STK38L: variants seen among roughly 807,000 people sequenced by gnomAD.
STK38L encodes serine/threonine-protein kinase 38-like.
In STK38L, 28 loss-of-function variants were observed where a neutral mutation model predicts 59.7. That is an observed-to-expected ratio of 0.47 (90% confidence interval 0.35 to 0.64). STK38L has a LOEUF of 0.64. Ranked by LOEUF, STK38L falls within the 30% of genes least tolerant of loss-of-function variation. The pLI is 0.01. For synonymous variants in STK38L, 162 were observed against 176.8 expected (o/e 0.92, Z 0.66); for missense variants, 314 against 555.8 (o/e 0.56, Z 4.37).
chr12:27,262,007 G>A lies in STK38L; in HGVS notation c.-12+17675G>A, dbSNP rs1257081587. Reference sequence around the variant, plus strand: ...AATGTTAGTTTTTATTAGCAGCAGCGGCAGCAGATCTCTGGGTAAACATTC... The same window carrying A: ...AATGTTAGTTTTTATTAGCAGCAGCAGCAGCAGATCTCTGGGTAAACATTC... On this transcript the variant is annotated intron_variant, in intron 1 of 13. Coordinates refer to ENST00000389032, the MANE Select transcript of STK38L (RefSeq NM_015000.4). Among the ~76,000 whole-genome samples, 7 of 152,192 alleles carry A rather than the reference G, an allele frequency of 4.6e-5. No individual in the cohort carries two copies. In the South Asian group the frequency reaches 1.4e-3, roughly 32 times the overall value.
rs942723287 is a variant in STK38L at position 27,308,883 on chromosome 12, T to A, written c.310-231T>A. Among the ~76,000 whole-genome samples the A allele has an allele frequency of 7.1e-6, 1 of 141,580 alleles. No individual in the cohort carries two copies. Among genetic ancestry groups the A allele is most frequent in the Non-Finnish European group, 1.6e-5 (1 of 63,688 alleles). The allele number at this position is 141,580 out of a possible 152,430, so 92.9% of individuals were successfully genotyped here. On this transcript the variant is annotated intron_variant, in intron 4 of 13. Coordinates refer to ENST00000389032, the MANE Select transcript of STK38L (RefSeq NM_015000.4). This position sits in a 1 kb window ranked among gnomAD's most constrained non-coding sequence, Gnocchi z 4.5. Reference sequence around the variant, plus strand: ...AAATATATATAAATATAAATATATATAAATGTAAATATATAAATATATATA... The same window carrying A: ...AAATATATATAAATATAAATATATAAAAATGTAAATATATAAATATATATA...
At chr12:27,292,650 TG>T (rs1274504799) in intron 1 of STK38L, among the ~76,000 whole-genome samples, 15 of 152,248 alleles carry the variant, frequency 9.9e-5, no homozygotes, top group Non-Finnish European at 2.9e-5. Context: ...GGTACTGCGA[TG>T]CTTTCATTAC....
chr12:27,275,490 A>G (rs1390000243), intron 1 of STK38L, among the ~76,000 whole-genome samples: 1 of 152,048 alleles, frequency 6.6e-6, no homozygotes, highest in Non-Finnish European at 1.5e-5. Context: ...GGCACCTGCC[A>G]CCACGCCTGG....
intron 1 of STK38L, among the ~76,000 whole-genome samples, chr12:27,292,015 C>A (rs954074227): frequency 3.9e-5 from 6 of 152,190 alleles, no homozygotes; most frequent in African/African-American, 1.4e-4. Context: ...GAATGTTGGA[C>A]TTAACTATTG....
intron 1 of STK38L, among the ~76,000 whole-genome samples, chr12:27,266,347 A>T (rs1943300727): frequency 6.6e-6 from 1 of 152,200 alleles, no homozygotes; most frequent in Non-Finnish European, 1.5e-5. Flanking sequence ...TTATAATTTG[A>T]TTCGGGGAAG....
intron 1 of STK38L, among the ~76,000 whole-genome samples, chr12:27,295,903 G>A (rs1423503299): frequency 1.3e-5 from 2 of 152,242 alleles, no homozygotes; most frequent in African/African-American, 4.8e-5. Context: ...TTCAGGGATA[G>A]GTCATGGAAG....
In STK38L at chr12:27,325,143, C is replaced by A. The variant is rs1551793; in HGVS notation, c.*2688C>A. On this transcript the variant is annotated 3_prime_UTR_variant, in exon 14 of 14. Coordinates refer to ENST00000389032, the MANE Select transcript of STK38L (RefSeq NM_015000.4). ...ATTTATTACTAACATAGCTTTAAAT[C>A]TTTAAATGTATTGAAGCATTGTGCT... 3.3e-5 allele frequency: 5 copies of A among 151,976 alleles called. No individual in the cohort carries two copies. The highest frequency in any genetic ancestry group is 1.2e-4 in the African/African-American group (5 of 41,378). The allele number at this position is 151,976 out of a possible 1,614,324, so 9.4% of individuals were successfully genotyped here.
intron 1 of STK38L, among the ~76,000 whole-genome samples, chr12:27,292,644 C>T (rs1036411502): frequency 2.0e-5 from 3 of 152,194 alleles, no homozygotes; most frequent in Non-Finnish European, 2.9e-5. Flanking sequence ...TTGCCAGGTA[C>T]TGCGATGCTT....
intron 1 of STK38L, among the ~76,000 whole-genome samples, chr12:27,253,566 A>G (rs902163735): frequency 3.3e-5 from 5 of 152,196 alleles, no homozygotes; most frequent in Admixed American, 2.0e-4. Flanking sequence ...AGGTGACTGG[A>G]GAGCTACATT....
rs145085631 is a variant in STK38L, at chr12:27,254,084, A to G, written c.-12+9752A>G. On this transcript the variant is annotated intron_variant, in intron 1 of 13. Transcript: ENST00000389032. ...TAAAGAGAAAAGTAAATCCACTAAA[A>G]TCCTTTTCTTTGATGAAGCCTAGAA... 2.8e-3 allele frequency among the ~76,000 whole-genome samples: 431 copies of G among 152,314 alleles called. 8 individuals carry two copies. Among genetic ancestry groups the G allele is most frequent in the African/African-American group, 9.3e-3 (386 of 41,564 alleles).
At chr12:27,275,791 A>G (rs918034511) in intron 1 of STK38L, among the ~76,000 whole-genome samples, 6 of 152,232 alleles carry the variant, frequency 3.9e-5, no homozygotes, top group Non-Finnish European at 8.8e-5. Flanking sequence ...ATATGGTCAC[A>G]GTGTACCATT....
At chr12:27,267,031 G>A (rs1943315307) in intron 1 of STK38L, among the ~76,000 whole-genome samples, 1 of 152,102 alleles carries the variant, frequency 6.6e-6, no homozygotes. Flanking sequence ...ATTTTAGTTT[G>A]ACTCAATTTT....
chr12:27,244,815 A>G (rs1942814574), intron 1 of STK38L, among the ~76,000 whole-genome samples: 1 of 152,094 alleles, frequency 6.6e-6, no homozygotes, highest in Non-Finnish European at 1.5e-5. Flanking sequence ...AACATTTCTC[A>G]AGACAGACTC....
intron 1 of STK38L, among the ~76,000 whole-genome samples, chr12:27,278,150 T>A (rs1399046662): frequency 6.6e-6 from 1 of 152,246 alleles, no homozygotes; most frequent in Non-Finnish European, 1.5e-5. Flanking sequence ...GATGCTTGCT[T>A]ATGGGATCTT....
At chr12:27,314,427 A>T in intron 6 of STK38L, 77 bp from the exon 7 acceptor site, 1 of 1,258,900 alleles carries the variant, frequency 7.9e-7, no homozygotes, top group Non-Finnish European at 1.1e-6. Context: ...AAAGTAAAAA[A>T]AGCAGGAAAG....
At chr12:27,255,544 C>A (rs1252845641) in intron 1 of STK38L, among the ~76,000 whole-genome samples, 2 of 152,192 alleles carry the variant, frequency 1.3e-5, no homozygotes, top group African/African-American at 2.4e-5. Context: ...CTTTAGAGGT[C>A]ATCTAGTCCA....
At chr12:27,263,449 G>C (rs1943243565) in intron 1 of STK38L, among the ~76,000 whole-genome samples, 1 of 152,192 alleles carries the variant, frequency 6.6e-6, no homozygotes, top group Admixed American at 6.5e-5. Flanking sequence ...AGGTGTTTGA[G>C]TCCTTCCTTA....
At chr12:27,307,672 T>G (rs2136644676) in intron 3 of STK38L, among the ~76,000 whole-genome samples, 1 of 152,366 alleles carries the variant, frequency 6.6e-6, no homozygotes, top group Non-Finnish European at 1.5e-5. Context: ...AATAAATACC[T>G]GTTCCAAATG....
chr12:27,296,178 A>G (rs1446347112), intron 1 of STK38L, among the ~76,000 whole-genome samples: 1 of 152,186 alleles, frequency 6.6e-6, no homozygotes, highest in African/African-American at 2.4e-5. Context: ...CAGTGAATAA[A>G]ATATCATAAA....
Sources: gnomAD v4.1 joint callset for allele counts (sites outside exome capture counted in the v4.1 genomes callset) on GRCh38, gnomAD v4.1.1 for gene constraint, Gnocchi (gnomAD v3.1) non-coding constraint, MANE v1.5 for transcripts, NCBI Gene and HGNC (gene_info 2026-07-23, HGNC 2026-07-21) for gene names.